Variants in HPSE2 observed in about 807,000 individuals in gnomAD.
HPSE2 encodes heparanase 2 (inactive).
Under a neutral mutation model 60.5 loss-of-function variants are expected in HPSE2, and 38 were observed. The observed-to-expected ratio is 0.63, with a 90% CI of 0.48 to 0.82. HPSE2 has a LOEUF of 0.82. HPSE2 is among the 40% of genes least tolerant of loss of function. The pLI, the probability that HPSE2 is intolerant of heterozygous loss-of-function variation, is 0.00. For synonymous variants in HPSE2, 295 were observed against 293.2 expected, an observed-to-expected ratio of 1.01 and a Z score of -0.06; for missense variants, 713 against 740.4, an observed-to-expected ratio of 0.96 and a Z score of 0.43.
At chr10:98,942,785 T>C (rs1344092686) in intron 3 of HPSE2, among the ~76,000 whole-genome samples, 2 of 152,016 alleles carry the variant, frequency 1.3e-5, no homozygotes, top group African/African-American at 4.8e-5. Flanking sequence ...TGCACACGTA[T>C]GTTTATTGCG....
intron 7 of HPSE2, among the ~76,000 whole-genome samples, chr10:98,625,232 T>C (rs1342165791): frequency 6.6e-6 from 1 of 152,164 alleles, no homozygotes; most frequent in Non-Finnish European, 1.5e-5. Flanking sequence ...TTGGAAGCAA[T>C]ATGCTGACTG....
intron 9 of HPSE2, among the ~76,000 whole-genome samples, chr10:98,612,783 C>T (rs1945797892): frequency 6.6e-6 from 1 of 152,190 alleles, no homozygotes; most frequent in South Asian, 2.1e-4. Context: ...CCAAGGTGAT[C>T]TGTTTAAAAT....
At chr10:99,001,558 G>A (rs1417859349) in intron 3 of HPSE2, among the ~76,000 whole-genome samples, 1 of 151,894 alleles carries the variant, frequency 6.6e-6, no homozygotes, top group Non-Finnish European at 1.5e-5. Context: ...AAAGAATAAA[G>A]ACAAAATAGA....
chr10:98,605,315 C>T (rs1471191608), intron 9 of HPSE2, among the ~76,000 whole-genome samples: 1 of 152,186 alleles, frequency 6.6e-6, no homozygotes, highest in Non-Finnish European at 1.5e-5. Flanking sequence ...TTAACTCTCT[C>T]CAAGGCTTTA....
chr10:98,630,994 T>C (rs1396770960), intron 7 of HPSE2, among the ~76,000 whole-genome samples: 1 of 152,230 alleles, frequency 6.6e-6, no homozygotes, highest in Non-Finnish European at 1.5e-5. Context: ...AGCTGGGCTA[T>C]TCTGAGCTCA....
chr10:98,536,401 T>C (rs1307668638), intron 9 of HPSE2, among the ~76,000 whole-genome samples: 1 of 152,172 alleles, frequency 6.6e-6, no homozygotes, highest in Non-Finnish European at 1.5e-5. Context: ...GTGGAAACCA[T>C]TGAGGTGATG....
intron 3 of HPSE2, among the ~76,000 whole-genome samples, chr10:98,949,841 T>A (rs1414822813): frequency 6.6e-6 from 1 of 151,894 alleles, no homozygotes; most frequent in Non-Finnish European, 1.5e-5. Context: ...TGCATCCCAC[T>A]GAAGAAAAAA....
chr10:98,684,985 G>T (rs886186752), intron 6 of HPSE2, among the ~76,000 whole-genome samples: 1 of 152,088 alleles, frequency 6.6e-6, no homozygotes, highest in East Asian at 1.9e-4. Flanking sequence ...TTGTTTAGGT[G>T]TAATAGGTTA....
chr10:98,915,645 A>G (rs957599922), intron 3 of HPSE2, among the ~76,000 whole-genome samples: 5 of 152,214 alleles, frequency 3.3e-5, no homozygotes, highest in Admixed American at 2.6e-4. Context: ...CACATGCCCC[A>G]GTCTCTGGTC....
chr10:98,513,342 T>C (rs1942484967), intron 9 of HPSE2, among the ~76,000 whole-genome samples: 1 of 152,184 alleles, frequency 6.6e-6, no homozygotes, highest in African/African-American at 2.4e-5. Context: ...TTAGCTCAGT[T>C]GGGGTTCCAC....
intron 2 of HPSE2, among the ~76,000 whole-genome samples, chr10:99,206,907 A>G (rs1357143713): frequency 1.3e-5 from 2 of 152,134 alleles, no homozygotes; most frequent in Non-Finnish European, 2.9e-5. Context: ...TACAAGATTT[A>G]TGAGACAGCA....
chr10:99,217,286 T>C (rs767473586), intron 2 of HPSE2, among the ~76,000 whole-genome samples: 1 of 149,818 alleles, frequency 6.7e-6, no homozygotes, highest in Admixed American at 6.6e-5. Context: ...TGGAAGTTTG[T>C]TAGAAATTCG....
At chr10:98,549,183 C>G (rs1479175516) in intron 9 of HPSE2, among the ~76,000 whole-genome samples, 1 of 152,100 alleles carries the variant, frequency 6.6e-6, no homozygotes, top group African/African-American at 2.4e-5. Flanking sequence ...CTTACTGTCT[C>G]TCATAGAGAG....
chr10:99,130,803 CTG>C (rs1845353295), intron 3 of HPSE2, among the ~76,000 whole-genome samples: 1 of 152,166 alleles, frequency 6.6e-6, no homozygotes, highest in African/African-American at 2.4e-5. Context: ...TTCCTGGAAA[CTG>C]TGGATATAGC....
intron 3 of HPSE2, among the ~76,000 whole-genome samples, chr10:98,966,969 G>A (rs796959728): frequency 6.6e-6 from 1 of 151,990 alleles, no homozygotes; most frequent in Non-Finnish European, 1.5e-5. Context: ...GGGCTCTTCC[G>A]GGCTAAGGTA....
chr10:98,637,302 T>A (rs1352354126), intron 7 of HPSE2, among the ~76,000 whole-genome samples: 1 of 152,102 alleles, frequency 6.6e-6, no homozygotes, highest in African/African-American at 2.4e-5. Flanking sequence ...AAATATCACC[T>A]ATCATATTCC....
chr10:99,236,486 A>G (rs1164096245), upstream of HPSE2, among the ~76,000 whole-genome samples: 1 of 151,684 alleles, frequency 6.6e-6, no homozygotes, highest in Admixed American at 6.6e-5. Context: ...AAGCAGCAAT[A>G]CCAAGGGCGG....
At chr10:98,565,456 T>C (rs934555320) in intron 9 of HPSE2, among the ~76,000 whole-genome samples, 1 of 152,194 alleles carries the variant, frequency 6.6e-6, no homozygotes, top group African/African-American at 2.4e-5. Flanking sequence ...GTTAGTTTGC[T>C]GAGGATGATG....
At chr10:98,703,550 C>A (rs1215444232) in intron 5 of HPSE2, among the ~76,000 whole-genome samples, 3 of 152,132 alleles carry the variant, frequency 2.0e-5, no homozygotes. Flanking sequence ...AATCCAGCAG[C>A]ACATCAAGAA....
Sources: gnomAD v4.1 joint callset for allele counts (sites outside exome capture counted in the v4.1 genomes callset) on GRCh38, gnomAD v4.1.1 for gene constraint, MANE v1.5 for transcripts, NCBI Gene and HGNC (gene_info 2026-07-23, HGNC 2026-07-21) for gene names.